Variants in RAD23B observed in about 807,000 individuals in gnomAD.
The protein encoded by RAD23B is RAD23 nucleotide excision repair protein B.
A neutral mutation model predicts 49.1 loss-of-function variants in RAD23B; 5 were observed. That is an observed-to-expected ratio of 0.10 (90% CI 0.05 to 0.21). The LOEUF (loss-of-function observed/expected upper bound fraction) is 0.21, where lower values mean the gene tolerates loss of function less well. RAD23B is among the 10% of genes least tolerant of loss of function. RAD23B has a pLI of 1.00. For missense variants in RAD23B, 356 were observed against 486.7 expected (o/e 0.73, Z 2.53); for synonymous variants, 184 against 165.4 (o/e 1.11, Z -0.86).
rs1019467029 is a variant in RAD23B, at chr9:107,318,956, G to C, written c.681+77G>C. ...CAAAGAAACAGATTTTAAAGGACCA[G>C]TTCACTTGTCACTGATATATGCTAG... On this transcript the variant is annotated intron_variant, in intron 6 of 9. Transcript: ENST00000358015. This position sits in a 1 kb window ranked among gnomAD's most constrained non-coding sequence, Gnocchi z 4.3. The C allele has an allele frequency of 7.3e-5, 104 of 1,427,064 alleles. No individual in the cohort carries two copies. Among genetic ancestry groups the C allele is most frequent in the Non-Finnish European group, 9.4e-5 (98 of 1,044,552 alleles). The allele number at this position is 1,427,064 out of a possible 1,614,324, so 88.4% of individuals were successfully genotyped here.
In RAD23B at chr9:107,306,435, C is replaced by T; in HGVS notation, c.285C>T (p.Ser95=). The change falls in exon 4 of 10, where the codon AGC becomes AGT. Residue 95 remains serine, a synonymous_variant. Coordinates refer to ENST00000358015, the MANE Select transcript of RAD23B (RefSeq NM_002874.5). ...PATTQQSAPA[S]TTAVTSSTTT... is the part of the protein sequence containing the mutation. ...CAACTCAGCAGTCAGCTCCTGCCAG[C>T]ACTACAGCAGTTACTTCCTCCACCA... 1 of 1,614,188 alleles carries T rather than the reference C, an allele frequency of 6.2e-7. No individual in the cohort carries two copies. The highest frequency in any genetic ancestry group is 8.5e-7 in the Non-Finnish European group (1 of 1,180,020).
At chr9:107,285,983 G>A (rs1388613288) in intron 1 of RAD23B, among the ~76,000 whole-genome samples, 2 of 152,088 alleles carry the variant, frequency 1.3e-5, no homozygotes, top group African/African-American at 4.8e-5. Flanking sequence ...TGTTTTCTAG[G>A]GCAACGCTAA....
At chr9:107,319,128 CTTTTTT>C (rs56891354) in intron 6 of RAD23B, among the ~76,000 whole-genome samples, 46 of 97,796 alleles carry the variant, frequency 4.7e-4, no homozygotes, top group African/African-American at 1.6e-3. Context: ...TTTCTTTTTT[CTTTTTT>C]TTTTTTTTTT....
intron 4 of RAD23B, among the ~76,000 whole-genome samples, chr9:107,306,868 G>T (rs1248102330): frequency 1.3e-5 from 2 of 151,702 alleles, no homozygotes; most frequent in Admixed American, 1.3e-4. Context: ...TGTTGATTTG[G>T]GCAGGGTGGG....
At chr9:107,300,681 A>G (rs1826632176) in intron 2 of RAD23B, among the ~76,000 whole-genome samples, 2 of 152,198 alleles carry the variant, frequency 1.3e-5, no homozygotes. Context: ...CTTAGAAATC[A>G]GTAAGGAAAG....
intron 5 of RAD23B, among the ~76,000 whole-genome samples, chr9:107,315,451 C>T (rs1408057334): frequency 6.6e-6 from 1 of 152,140 alleles, no homozygotes; most frequent in Admixed American, 6.6e-5. Flanking sequence ...GGTTCTTCAT[C>T]ACCACCTCTT....
At position 107,322,088 on chromosome 9, in the gene RAD23B, A is replaced by G. The variant is rs1308492422; in HGVS notation, c.787A>G (p.Thr263Ala). 12 of 1,609,866 alleles carry G rather than the reference A, an allele frequency of 7.5e-6. No individual in the cohort carries two copies. The highest frequency in any genetic ancestry group is 8.5e-7 in the Non-Finnish European group (1 of 1,177,966). ...SAVAAAAATT[T>A]ATTTTTSSGG... The stretch of plus-strand genomic sequence containing the variant: ...AGTGGCTGCAGCTGCAGCAACTACG[A>G]CAGCAACAACTACAACAACAAGTTC... Residue 263 changes from threonine to alanine, a missense_variant, in exon 7 of 10, where the codon ACA becomes GCA. Physicochemically the swap from Thr to Ala is moderately conservative, Grantham distance 58 (BLOSUM62 0). Around this residue, in one of 5 missense-constraint regions of RAD23B, gnomAD observed 148 missense variants for 231.7 expected, o/e 0.64. Transcript: ENST00000358015.
intron 4 of RAD23B, 139 bp from the exon 5 acceptor site, chr9:107,311,543 A>T: frequency 1.7e-6 from 1 of 591,372 alleles, no homozygotes; most frequent in Non-Finnish European, 2.7e-6. Context: ...TCTAGAAGAG[A>T]CAGTTTAAAT....
At position 107,318,998 on chromosome 9, in the gene RAD23B, T is replaced by G; in HGVS notation, c.681+119T>G. On this transcript the variant is annotated intron_variant, in intron 6 of 9. Transcript: ENST00000358015. The surrounding 1 kb of genome is among the most constrained non-coding windows in gnomAD (Gnocchi z 4.3). ...ATATGCTAGATGATATACATAATGC[T>G]TTTTTTTTTCTAGTATGTTTGTATT... The G allele has an allele frequency of 1.3e-6, 1 of 745,628 alleles. No homozygotes were observed. The highest frequency in any genetic ancestry group is 1.8e-6 in the Non-Finnish European group (1 of 543,528). The allele number at this position is 745,628 out of a possible 1,614,324, so 46.2% of individuals were successfully genotyped here.
intron 8 of RAD23B, among the ~76,000 whole-genome samples, chr9:107,324,519 TAAG>T (rs1317020808): frequency 5.3e-5 from 8 of 152,172 alleles, no homozygotes; most frequent in African/African-American, 1.7e-4. Context: ...ATGCAAGTAT[TAAG>T]AATAAGTTCT....
intron 1 of RAD23B, among the ~76,000 whole-genome samples, chr9:107,286,630 G>C (rs1833276568): frequency 6.6e-6 from 1 of 152,110 alleles, no homozygotes; most frequent in Non-Finnish European, 1.5e-5. Context: ...GGTATGTGTG[G>C]GGTAGGGAGA....
chr9:107,305,795 C>T (rs1826749919), intron 3 of RAD23B, among the ~76,000 whole-genome samples: 1 of 151,658 alleles, frequency 6.6e-6, no homozygotes, highest in South Asian at 2.1e-4. Flanking sequence ...TATAAATAAA[C>T]ATTTATACTG....
chr9:107,292,622 G>T (rs1054578254), intron 1 of RAD23B, among the ~76,000 whole-genome samples: 11 of 147,084 alleles, frequency 7.5e-5, no homozygotes, highest in African/African-American at 2.8e-4. Context: ...GGAGGTTGCA[G>T]TGAGCCAAGA....
In RAD23B at chr9:107,329,851, G is replaced by A. The variant is rs1052037042; in HGVS notation, c.*195G>A. On this transcript the variant is annotated 3_prime_UTR_variant, in exon 10 of 10. Transcript: ENST00000358015. ...ATGTCTGCTTCAATTAGCAGATGCC[G>A]CAACTCCACACAGTGTGTAAAATAT... is the stretch of plus-strand genomic sequence containing the variant. 11 of 383,778 alleles carry A rather than the reference G, an allele frequency of 2.9e-5. No homozygotes were observed. The highest frequency in any genetic ancestry group is 1.8e-4 in the African/African-American group (9 of 48,748). The allele number at this position is 383,778 out of a possible 1,614,324, so 23.8% of individuals were successfully genotyped here. A position where few individuals can be genotyped will look rare whatever the true frequency, so the allele number is the denominator to read the frequency against.
Position 107,299,825 on chromosome 9 carries a change from C to T in RAD23B, c.67-316C>T, listed in dbSNP as rs768606949. Among the ~76,000 whole-genome samples the T allele has an allele frequency of 5.6e-4, 85 of 152,002 alleles. 1 individual carries two copies. Among genetic ancestry groups the T allele is most frequent in the Middle Eastern group, 3.4e-3 (1 of 294 alleles). ...GTGATCAAGCTTTACTTTCTTGCTCCGTGGGAAATAAACCCATGAACAGTA... is the reference window on the plus strand; with the variant it reads ...GTGATCAAGCTTTACTTTCTTGCTCTGTGGGAAATAAACCCATGAACAGTA... On this transcript the variant is annotated intron_variant, in intron 1 of 9. Coordinates refer to ENST00000358015, the MANE Select transcript of RAD23B (RefSeq NM_002874.5).
chr9:107,300,288 C>A, intron 2 of RAD23B, 66 bp downstream of exon 2: 1 of 1,514,032 alleles, frequency 6.6e-7, no homozygotes, highest in Non-Finnish European at 8.9e-7. Context: ...GAAATGTTAT[C>A]TTATATATTG....
intron 9 of RAD23B, among the ~76,000 whole-genome samples, chr9:107,326,342 G>A (rs376439273): frequency 2.9e-4 from 43 of 145,774 alleles, no homozygotes; most frequent in African/African-American, 9.5e-4. Context: ...TTAGCCAGGC[G>A]TGATGGTGGG....
At chr9:107,293,831 T>A (rs1453869898) in intron 1 of RAD23B, among the ~76,000 whole-genome samples, 1 of 152,236 alleles carries the variant, frequency 6.6e-6, no homozygotes, top group African/African-American at 2.4e-5. Context: ...TTGCTCAGGC[T>A]GGAGTACGCT....
intron 1 of RAD23B, among the ~76,000 whole-genome samples, chr9:107,294,155 C>T (rs1289408144): frequency 1.3e-5 from 2 of 152,164 alleles, no homozygotes; most frequent in Non-Finnish European, 2.9e-5. Context: ...TTTAAATACA[C>T]TTTATGATTG....
Sources: gnomAD v4.1 joint callset for allele counts (sites outside exome capture counted in the v4.1 genomes callset) on GRCh38, gnomAD v4.1.1 for gene constraint, gnomAD v4.1.1 regional missense constraint, Gnocchi (gnomAD v3.1) non-coding constraint, MANE v1.5 for transcripts, NCBI Gene and HGNC (gene_info 2026-07-23, HGNC 2026-07-21) for gene names.